The following MAGI2 variants were observed in gnomAD, a reference collection of about 807,000 sequenced individuals.
MAGI2 encodes membrane associated guanylate kinase, WW and PDZ domain containing 2, also known as membrane-associated guanylate kinase, WW and PDZ domain-containing protein 2.
Under a neutral mutation model 133.3 loss-of-function variants are expected in MAGI2, and 35 were observed. The ratio of observed to expected loss-of-function variants is 0.26; its 90% CI spans 0.20 to 0.35. The LOEUF (loss-of-function observed/expected upper bound fraction) is 0.35. Among genes scored for constraint, MAGI2 ranks in the 10% least tolerant of loss-of-function variants. MAGI2 has a pLI of 1.00. For synonymous variants in MAGI2, 729 were observed against 710.6 expected, an observed-to-expected ratio of 1.03 and a Z score of -0.41; for missense variants, 1,636 against 1,863.4, an observed-to-expected ratio of 0.88 and a Z score of 2.25.
chr7:79,077,822 C>T (rs1001805018), intron 1 of MAGI2, among the ~76,000 whole-genome samples: 8 of 151,904 alleles, frequency 5.3e-5, no homozygotes, highest in Admixed American at 1.3e-4. Context: ...CTGTATAGTA[C>T]ACTATAGTCT....
intron 9 of MAGI2, among the ~76,000 whole-genome samples, chr7:78,272,019 C>A (rs1359474054): frequency 6.6e-6 from 1 of 152,138 alleles, no homozygotes; most frequent in East Asian, 1.9e-4. Context: ...TTCTCTAGTT[C>A]TTTTAATTGC....
chr7:78,976,624 T>G (rs1408817457), intron 2 of MAGI2, among the ~76,000 whole-genome samples: 2 of 150,750 alleles, frequency 1.3e-5, no homozygotes, highest in Non-Finnish European at 3.0e-5. Context: ...GAAAAAGAAT[T>G]AAAAGCCATA....
rs934434430 is a variant in MAGI2, at chr7:79,296,324, C to T, written c.301+156696G>A. Among the ~76,000 whole-genome samples the T allele has an allele frequency of 2.6e-5, 4 of 152,254 alleles. No individual in the cohort carries two copies. In the South Asian group the frequency reaches 8.3e-4, roughly 32 times the overall value. On this transcript the variant is annotated intron_variant, in intron 1 of 21. Transcript: ENST00000354212. ...GAACTACCATATGATCTGTCAATCC[C>T]ACTACTGGGTATATATCTGAAAGAA...
chr7:78,991,673 A>G (rs768119636), intron 2 of MAGI2, among the ~76,000 whole-genome samples: 2 of 151,750 alleles, frequency 1.3e-5, no homozygotes, highest in African/African-American at 2.4e-5. Context: ...TTTTGGGAAC[A>G]CAGGTAAGGA....
chr7:78,790,056 T>C lies in MAGI2; in HGVS notation c.419-162817A>G, dbSNP rs190956595. ...ACTGATAGATCAATATACAGATCAA[T>C]TGATTGTTAGATAATTTAGGATAAA... On this transcript the variant is annotated intron_variant, in intron 2 of 21. Transcript: ENST00000354212. 3.5e-3 allele frequency among the ~76,000 whole-genome samples: 539 copies of C among 152,274 alleles called. 6 individuals carry two copies. The highest frequency in any genetic ancestry group is 1.6e-3 in the Non-Finnish European group (106 of 68,008).
intron 2 of MAGI2, among the ~76,000 whole-genome samples, chr7:78,628,888 T>C (rs951486711): frequency 1.3e-5 from 2 of 151,466 alleles, no homozygotes; most frequent in African/African-American, 4.9e-5. Flanking sequence ...TTTTTGGCAA[T>C]CAATTTGTTT....
At chr7:78,603,559 T>A (rs1277078943) in intron 3 of MAGI2, among the ~76,000 whole-genome samples, 1 of 152,216 alleles carries the variant, frequency 6.6e-6, no homozygotes. Flanking sequence ...AGTCTTGCCC[T>A]GTCACCGAGG....
At chr7:78,057,977 G>GTGTATATTTATATATATATATATA (rs762943472) in intron 21 of MAGI2, among the ~76,000 whole-genome samples, 1 of 106,612 alleles carries the variant, frequency 9.4e-6, no homozygotes, top group African/African-American at 3.4e-5. Flanking sequence ...ATATATATGT[G>GTGTATATTTATATATATATATATA]TATATATATA....
intron 1 of MAGI2, among the ~76,000 whole-genome samples, chr7:79,425,200 C>A (rs966167391): frequency 6.6e-6 from 1 of 150,486 alleles, no homozygotes. Flanking sequence ...TGCAGTGAGC[C>A]GAGATTGCAC....
chr7:78,159,345 C>A (rs1824729768), intron 16 of MAGI2, among the ~76,000 whole-genome samples: 1 of 152,154 alleles, frequency 6.6e-6, no homozygotes, highest in Admixed American at 6.5e-5. Flanking sequence ...TCTCCCCCAC[C>A]CCCAACCCTT....
intron 8 of MAGI2, 40 bp downstream of exon 8, chr7:78,345,882 A>AT (rs1199315677): frequency 6.2e-7 from 1 of 1,605,650 alleles, no homozygotes; most frequent in Non-Finnish European, 8.5e-7. Flanking sequence ...TTGACAGACA[A>AT]TTTTCCCTTT....
At chr7:78,284,882 G>A (rs1006587409) in intron 9 of MAGI2, among the ~76,000 whole-genome samples, 5 of 152,098 alleles carry the variant, frequency 3.3e-5, no homozygotes, top group Admixed American at 6.6e-5. Flanking sequence ...GCAAAATCAC[G>A]TTTTGAATTT....
intron 1 of MAGI2, among the ~76,000 whole-genome samples, chr7:79,263,757 C>T (rs1881297): frequency 1.3e-3 from 203 of 152,040 alleles, no homozygotes; most frequent in Non-Finnish European, 2.3e-3. Context: ...TCATTGACAC[C>T]CTGAGGCTAT....
chr7:78,878,379 A>C (rs1350836735), intron 2 of MAGI2, among the ~76,000 whole-genome samples: 1 of 152,156 alleles, frequency 6.6e-6, no homozygotes, highest in African/African-American at 2.4e-5. Context: ...CACCCAACTA[A>C]ATTGTAAGCC....
intron 1 of MAGI2, among the ~76,000 whole-genome samples, chr7:79,158,575 C>A (rs1824049467): frequency 1.3e-5 from 2 of 151,982 alleles, no homozygotes; most frequent in Non-Finnish European, 2.9e-5. Context: ...GAAAGCCCAT[C>A]CGAAAACAGA....
At chr7:78,580,822 AT>A (rs898504401) in intron 3 of MAGI2, among the ~76,000 whole-genome samples, 2 of 152,196 alleles carry the variant, frequency 1.3e-5, no homozygotes, top group African/African-American at 4.8e-5. Flanking sequence ...ATTTGAAATT[AT>A]TTTTAAACAA....
chr7:78,627,837 A>G (rs1391814540), intron 2 of MAGI2, among the ~76,000 whole-genome samples: 1 of 152,254 alleles, frequency 6.6e-6, no homozygotes, highest in Non-Finnish European at 1.5e-5. Flanking sequence ...ATTAAATTGC[A>G]GTAGTGTGAG....
At chr7:78,377,466 G>A (rs1012061723) in intron 6 of MAGI2, among the ~76,000 whole-genome samples, 1 of 151,776 alleles carries the variant, frequency 6.6e-6, no homozygotes. Flanking sequence ...AAGAAAGGGG[G>A]TTGACAGTGA....
intron 3 of MAGI2, among the ~76,000 whole-genome samples, chr7:78,541,345 T>C (rs1798400900): frequency 6.6e-6 from 1 of 152,208 alleles, no homozygotes; most frequent in Admixed American, 6.5e-5. Flanking sequence ...CTGTAATTAT[T>C]TATTTGATGT....
Sources: allele counts gnomAD v4.1 joint callset (sites outside exome capture counted in the v4.1 genomes callset), GRCh38; gene constraint gnomAD v4.1.1; transcripts MANE v1.5; gene names NCBI Gene and HGNC (gene_info 2026-07-23, HGNC 2026-07-21).